ATXN1: variants seen among roughly 807,000 people sequenced by gnomAD.
ATXN1 encodes the protein ataxin-1.
In ATXN1, 8 loss-of-function variants were observed where a neutral mutation model predicts 56.4. The ratio of observed to expected loss-of-function variants is 0.14; its 90% CI spans 0.08 to 0.26. The LOEUF is 0.26. Ranked by LOEUF, ATXN1 falls within the 10% of genes least tolerant of loss-of-function variation. The probability of loss-of-function intolerance (pLI) is 1.00; values close to 1 mark genes in which losing one functional copy is unlikely to be tolerated. For synonymous variants in ATXN1, 514 were observed against 494.6 expected, an observed-to-expected ratio of 1.04 and a Z score of -0.52; for missense variants, 987 against 1,106.5, an observed-to-expected ratio of 0.89 and a Z score of 1.53.
intron 4 of ATXN1, among the ~76,000 whole-genome samples, chr6:16,565,587 C>T (rs1762202622): frequency 1.3e-5 from 2 of 152,158 alleles, no homozygotes. Flanking sequence ...ATAATAATTT[C>T]CACATGAACC....
intron 6 of ATXN1, among the ~76,000 whole-genome samples, chr6:16,474,060 C>T (rs887595185): frequency 1.3e-5 from 2 of 152,212 alleles, no homozygotes; most frequent in African/African-American, 4.8e-5. Context: ...ACTGAAAAGA[C>T]ACTTTATGAT....
chr6:16,627,890 G>A (rs1350720305), intron 3 of ATXN1, among the ~76,000 whole-genome samples: 1 of 152,174 alleles, frequency 6.6e-6, no homozygotes, highest in Non-Finnish European at 1.5e-5. Context: ...ACAAGGACAA[G>A]GTGAAGAATG....
At chr6:16,316,865 C>CTGTTTTTTT (rs1760522505) in intron 7 of ATXN1, among the ~76,000 whole-genome samples, 1 of 99,500 alleles carries the variant, frequency 1.0e-5, no homozygotes, top group African/African-American at 5.1e-5. Flanking sequence ...GACTGCCTGT[C>CTGTTTTTTT]TTTTTTTTTT....
chr6:16,473,193 T>C lies in ATXN1; in HGVS notation c.-161+12779A>G, dbSNP rs183931945. On this transcript the variant is annotated intron_variant, in intron 6 of 7. Transcript: ENST00000436367. ...ACATTTTGATGCTCCCCTCCCTCAA[T>C]TTTACCTATAAAAGATACCACTTCC... 1.5e-4 allele frequency among the ~76,000 whole-genome samples: 23 copies of C among 152,232 alleles called. 1 individual carries two copies. Among genetic ancestry groups the C allele is most frequent in the Admixed American group, 1.3e-3 (20 of 15,298 alleles).
intron 6 of ATXN1, among the ~76,000 whole-genome samples, chr6:16,395,118 A>G (rs145594888): frequency 5.3e-4 from 81 of 152,080 alleles, no homozygotes; most frequent in African/African-American, 1.9e-3. Context: ...CTAAAAATAC[A>G]AAATTAGCTG....
intron 5 of ATXN1, among the ~76,000 whole-genome samples, chr6:16,491,218 G>A (rs930738219): frequency 2.1e-5 from 3 of 140,020 alleles, no homozygotes; most frequent in South Asian, 2.4e-4. Flanking sequence ...TCAGCCTCCC[G>A]AGTAGCTGGG....
chr6:16,363,129 G>A (rs1761847779), intron 6 of ATXN1, among the ~76,000 whole-genome samples: 1 of 152,160 alleles, frequency 6.6e-6, no homozygotes, highest in African/African-American at 2.4e-5. Context: ...CTGGAAAAAT[G>A]ATTGCTTACT....
chr6:16,320,879 C>T lies in ATXN1; in HGVS notation c.1917+5515G>A, dbSNP rs542453761. 2.9e-4 allele frequency among the ~76,000 whole-genome samples: 44 copies of T among 152,318 alleles called. 1 individual carries two copies. Among genetic ancestry groups the T allele is most frequent in the African/African-American group, 9.1e-4 (38 of 41,578 alleles). On this transcript the variant is annotated intron_variant, in intron 7 of 7. Transcript: ENST00000436367. Reference sequence around the variant, plus strand: ...CTCGGCCACTCGCGGGATTCCACCCCGAGGATTACAGGCAGGGTAAAAATG... The same window carrying T: ...CTCGGCCACTCGCGGGATTCCACCCTGAGGATTACAGGCAGGGTAAAAATG...
At chr6:16,513,772 T>C (rs1348963347) in intron 5 of ATXN1, among the ~76,000 whole-genome samples, 1 of 151,966 alleles carries the variant, frequency 6.6e-6, no homozygotes, top group African/African-American at 2.4e-5. Flanking sequence ...CCAGCAAGGG[T>C]AGCCTAGGGC....
chr6:16,434,508 T>A (rs1759349157), intron 6 of ATXN1, among the ~76,000 whole-genome samples: 1 of 152,244 alleles, frequency 6.6e-6, no homozygotes, highest in African/African-American at 2.4e-5. Flanking sequence ...TATATTTATG[T>A]ACCTCCCTTT....
rs1362322686 is a variant in ATXN1, at chr6:16,456,838, A to G, written c.-161+29134T>C. Among the ~76,000 whole-genome samples the G allele has an allele frequency of 2.6e-5, 4 of 152,308 alleles. No individual in the cohort carries two copies. The East Asian group carries it at 7.7e-4, about 29-fold the overall frequency. ...CTTTAGGCACCCAGGCTCACCAATC[A>G]GAAAGACATAATTTTTGTCCAAAGC... On this transcript the variant is annotated intron_variant, in intron 6 of 7. Coordinates refer to ENST00000436367, the MANE Select transcript of ATXN1 (RefSeq NM_001128164.2).
chr6:16,673,535 G>T (rs143146876), intron 2 of ATXN1, among the ~76,000 whole-genome samples: 1 of 152,148 alleles, frequency 6.6e-6, no homozygotes, highest in African/African-American at 2.4e-5. Flanking sequence ...CTAAGGCAGG[G>T]TTTCTCAACT....
intron 6 of ATXN1, among the ~76,000 whole-genome samples, chr6:16,429,733 C>A (rs1445179177): frequency 6.6e-6 from 1 of 152,124 alleles, no homozygotes; most frequent in African/African-American, 2.4e-5. Context: ...TTTCTCTTAT[C>A]ATAGAAGCAT....
At chr6:16,741,174 T>C (rs935856781) in intron 2 of ATXN1, among the ~76,000 whole-genome samples, 1 of 152,100 alleles carries the variant, frequency 6.6e-6, no homozygotes, top group Non-Finnish European at 1.5e-5. Flanking sequence ...AAAATGAGGG[T>C]ACTTTTCTAC....
At chr6:16,555,793 A>C (rs1002181640) in intron 4 of ATXN1, among the ~76,000 whole-genome samples, 1 of 152,234 alleles carries the variant, frequency 6.6e-6, no homozygotes. Context: ...TTATGACCAC[A>C]ACACACTAAC....
intron 3 of ATXN1, among the ~76,000 whole-genome samples, chr6:16,627,941 A>C (rs1046920026): frequency 6.6e-6 from 1 of 152,206 alleles, no homozygotes. Flanking sequence ...CCAACCAGAA[A>C]AGAGCTGCTC....
At chr6:16,356,239 A>C (rs2113467761) in intron 6 of ATXN1, among the ~76,000 whole-genome samples, 1 of 152,274 alleles carries the variant, frequency 6.6e-6, no homozygotes, top group East Asian at 1.9e-4. Context: ...CTCAGTAAAA[A>C]ATCGTGGCAC....
intron 6 of ATXN1, among the ~76,000 whole-genome samples, chr6:16,420,827 C>G (rs1759016651): frequency 6.7e-6 from 1 of 149,862 alleles, no homozygotes; most frequent in Non-Finnish European, 1.5e-5. Context: ...GTTACAGATT[C>G]TCTCTCTCTC....
chr6:16,421,927 T>C (rs1412164631), intron 6 of ATXN1, among the ~76,000 whole-genome samples: 1 of 152,230 alleles, frequency 6.6e-6, no homozygotes, highest in African/African-American at 2.4e-5. Flanking sequence ...CAGCCAAGAT[T>C]GACCTTTAAG....
Sources: allele counts gnomAD v4.1 joint callset (sites outside exome capture counted in the v4.1 genomes callset), GRCh38; gene constraint gnomAD v4.1.1; transcripts MANE v1.5; gene names NCBI Gene and HGNC (gene_info 2026-07-23, HGNC 2026-07-21).